VIPR2: variants seen among roughly 807,000 people sequenced by gnomAD.
VIPR2 encodes the protein vasoactive intestinal polypeptide receptor 2.
Under a neutral mutation model 58.0 loss-of-function variants are expected in VIPR2, and 48 were observed. The observed-to-expected ratio is 0.83, with a 90% CI of 0.66 to 1.05. The LOEUF (loss-of-function observed/expected upper bound fraction) is 1.05, where lower values mean the gene tolerates loss of function less well. Ranked by LOEUF, VIPR2 falls within the 50% of genes least tolerant of loss-of-function variation. VIPR2 has a pLI of 0.00. For synonymous variants in VIPR2, 243 were observed against 235.2 expected (o/e 1.03, Z -0.30); for missense variants, 534 against 558.0 (o/e 0.96, Z 0.43).
intron 4 of VIPR2, among the ~76,000 whole-genome samples, chr7:159,067,562 G>T (rs1377604425): frequency 6.6e-6 from 1 of 152,192 alleles, no homozygotes; most frequent in East Asian, 1.9e-4. Flanking sequence ...CTCAATGTGG[G>T]TATATTAAAT....
In VIPR2 at chr7:159,098,175, A is replaced by G. The variant is rs1857979819; in HGVS notation, c.357+5582T>C. 6.6e-6 allele frequency among the ~76,000 whole-genome samples: 1 copy of G among 152,148 alleles called. No individual in the cohort carries two copies. Among genetic ancestry groups the G allele is most frequent in the South Asian group, 2.1e-4 (1 of 4,830 alleles). ...CCCGGCCCCCATCCATCAGCACAGA[A>G]GAGTTGTGATGGGATGAAGGGCAGG... is the stretch of plus-strand genomic sequence containing the variant. On this transcript the variant is annotated intron_variant, in intron 4 of 12. Coordinates refer to ENST00000262178, the MANE Select transcript of VIPR2 (RefSeq NM_003382.5). This position sits in a 1 kb window ranked among gnomAD's most constrained non-coding sequence, Gnocchi z 5.2.
chr7:159,102,084 G>A (rs528565771), intron 4 of VIPR2, among the ~76,000 whole-genome samples: 14 of 121,170 alleles, frequency 1.2e-4, no homozygotes, highest in Admixed American at 7.5e-4. Context: ...TCCCCCGACC[G>A]TTCCTGTGGT....
At chr7:159,051,944 T>C (rs1855034665) in intron 5 of VIPR2, among the ~76,000 whole-genome samples, 1 of 152,198 alleles carries the variant, frequency 6.6e-6, no homozygotes, top group African/African-American at 2.4e-5. Flanking sequence ...CTTTCAGTTC[T>C]GGTAGAAAAA....
At chr7:159,124,798 C>A (rs2129497049) in intron 2 of VIPR2, among the ~76,000 whole-genome samples, 1 of 152,204 alleles carries the variant, frequency 6.6e-6, no homozygotes, top group South Asian at 2.1e-4. Flanking sequence ...GTTTGTGTCA[C>A]CTCTGATTTC....
intron 3 of VIPR2, among the ~76,000 whole-genome samples, chr7:159,107,347 CCT>C (rs1193238940): frequency 6.6e-6 from 1 of 152,186 alleles, no homozygotes; most frequent in African/African-American, 2.4e-5. Context: ...CCTCCTGGCC[CCT>C]GAGCATGGGG....
At chr7:159,112,281 G>A (rs922662307) in intron 2 of VIPR2, among the ~76,000 whole-genome samples, 1 of 152,204 alleles carries the variant, frequency 6.6e-6, no homozygotes, top group African/African-American at 2.4e-5. Flanking sequence ...AGAGCTAGAC[G>A]CTGTCAGGAT....
intron 3 of VIPR2, among the ~76,000 whole-genome samples, chr7:159,108,054 C>A (rs1447960392): frequency 1.3e-5 from 2 of 152,340 alleles, no homozygotes; most frequent in Admixed American, 1.3e-4. Context: ...TGTTCTATGA[C>A]CCAGCTCTCC....
Position 159,031,886 on chromosome 7 carries a change from T to C in VIPR2, c.1102-17A>G. ...CACCAGGCCCTGCAATGAGAAGAGA[T>C]GGTCAGGCAGGACCCGCGCTCGGGG... On this transcript the variant is annotated splice_polypyrimidine_tract_variant and intron_variant, in intron 11 of 12. Transcript: ENST00000262178. This position sits in a 1 kb window ranked among gnomAD's most constrained non-coding sequence, Gnocchi z 4.0. 1 of 1,613,964 alleles carries C rather than the reference T, an allele frequency of 6.2e-7. No individual in the cohort carries two copies. Among genetic ancestry groups the C allele is most frequent in the Non-Finnish European group, 8.5e-7 (1 of 1,179,986 alleles).
chr7:159,045,882 T>C (rs563340050), intron 5 of VIPR2, among the ~76,000 whole-genome samples: 425 of 15,972 alleles, frequency 0.027, no homozygotes, highest in Middle Eastern at 0.05. Context: ...TGATAAGGAT[T>C]AGTATCTAAA....
intron 2 of VIPR2, among the ~76,000 whole-genome samples, chr7:159,133,242 G>A (rs1303344933): frequency 3.3e-5 from 5 of 152,426 alleles, no homozygotes; most frequent in Non-Finnish European, 5.9e-5. Flanking sequence ...TGAGGCTGAA[G>A]AGGAGAAGGA....
intron 4 of VIPR2, among the ~76,000 whole-genome samples, chr7:159,100,494 ACC>A (rs1422752864): frequency 1.3e-5 from 2 of 150,766 alleles, no homozygotes; most frequent in Non-Finnish European, 3.0e-5. Context: ...AGCCAGCACC[ACC>A]TTATCTGCTG....
In VIPR2 at chr7:159,099,460, G is replaced by A. The variant is rs756885465; in HGVS notation, c.357+4297C>T. 5.3e-4 allele frequency among the ~76,000 whole-genome samples: 81 copies of A among 152,182 alleles called. No individual in the cohort carries two copies. Among genetic ancestry groups the A allele is most frequent in the Non-Finnish European group, 9.4e-4 (64 of 68,032 alleles). ...AAGGAGCTTGGGCATGACTCTGTGG[G>A]CTGACATTGCCACAGCAGGCGGCGG... On this transcript the variant is annotated intron_variant, in intron 4 of 12. Coordinates refer to ENST00000262178, the MANE Select transcript of VIPR2 (RefSeq NM_003382.5). This position sits in a 1 kb window ranked among gnomAD's most constrained non-coding sequence, Gnocchi z 4.2.
At chr7:159,106,945 T>G (rs1401360263) in intron 3 of VIPR2, among the ~76,000 whole-genome samples, 24 of 87,400 alleles carry the variant, frequency 2.7e-4, no homozygotes, top group African/African-American at 5.6e-4. Flanking sequence ...ATCAGGGAGG[T>G]ACAGAGAGAG....
chr7:159,035,176 T>A (rs2129492937), intron 8 of VIPR2, among the ~76,000 whole-genome samples: 1 of 152,326 alleles, frequency 6.6e-6, no homozygotes. Flanking sequence ...GTCCACACCC[T>A]GCGCTGGAAG....
chr7:159,114,334 GC>G (rs1217448146), intron 2 of VIPR2, among the ~76,000 whole-genome samples: 3 of 152,072 alleles, frequency 2.0e-5, no homozygotes, highest in East Asian at 3.9e-4. Flanking sequence ...ACTTGGAGAC[GC>G]CTGTCTGTTT....
rs763528358 is a variant in VIPR2, at chr7:159,030,223, T to G, written c.*393A>C. On this transcript the variant is annotated 3_prime_UTR_variant, in exon 13 of 13. Transcript: ENST00000262178. ...AGCCAGGCGTGTTGGCGGGCGCCTGTAGTCCCAGCTATGGGAGGCTGAGGC... is the reference window on the plus strand; with the variant it reads ...AGCCAGGCGTGTTGGCGGGCGCCTGGAGTCCCAGCTATGGGAGGCTGAGGC... The G allele has an allele frequency of 3.7e-5, 7 of 189,692 alleles. 1 individual carries two copies. Among genetic ancestry groups the G allele is most frequent in the African/African-American group, 1.7e-4 (7 of 41,776 alleles). 11.8% of individuals were successfully genotyped at this position (189,692 alleles called of 1,614,324 possible).
chr7:159,103,869 T>G lies in VIPR2; in HGVS notation c.260-15A>C, dbSNP rs375983218. On this transcript the variant is annotated splice_polypyrimidine_tract_variant and intron_variant, in intron 3 of 12. Transcript: ENST00000262178. Reference sequence around the variant, plus strand: ...GCTTATGTTTCCTGGAAAGTGAAGTTCAGATATTTTATCTGCAAGTCCATG... The same window carrying G: ...GCTTATGTTTCCTGGAAAGTGAAGTGCAGATATTTTATCTGCAAGTCCATG... 4.6e-4 allele frequency: 740 copies of G among 1,606,624 alleles called. No individual in the cohort carries two copies. The highest frequency in any genetic ancestry group is 5.9e-4 in the Non-Finnish European group (689 of 1,173,240).
At chr7:159,092,682 G>A (rs946040167) in intron 4 of VIPR2, among the ~76,000 whole-genome samples, 2 of 144,150 alleles carry the variant, frequency 1.4e-5, no homozygotes, top group African/African-American at 5.1e-5. Flanking sequence ...ACTGAGTCTC[G>A]CTGTGTTGCC....
chr7:159,043,730 C>T (rs1386965085), intron 5 of VIPR2, among the ~76,000 whole-genome samples: 1 of 152,166 alleles, frequency 6.6e-6, no homozygotes, highest in Non-Finnish European at 1.5e-5. Flanking sequence ...TTCATAAACC[C>T]AAGGAGTTGT....
Sources: allele counts gnomAD v4.1 joint callset (sites outside exome capture counted in the v4.1 genomes callset), GRCh38; gene constraint gnomAD v4.1.1; non-coding constraint Gnocchi (gnomAD v3.1); transcripts MANE v1.5; gene names NCBI Gene and HGNC (gene_info 2026-07-23, HGNC 2026-07-21).